ADGRB3: variants seen among roughly 807,000 people sequenced by gnomAD.
ADGRB3 encodes the protein brain-specific angiogenesis inhibitor 3.
Under a neutral mutation model 193.4 loss-of-function variants are expected in ADGRB3, and 37 were observed. The observed-to-expected ratio is 0.19, with a 90% confidence interval of 0.15 to 0.25. The LOEUF (loss-of-function observed/expected upper bound fraction) is 0.25. Ranked by LOEUF, ADGRB3 falls within the 10% of genes least tolerant of loss-of-function variation. The pLI is 1.00. For synonymous variants in ADGRB3, 690 were observed against 644.2 expected (o/e 1.07, Z -1.08); for missense variants, 1,637 against 1,852.9 (o/e 0.88, Z 2.14).
intron 3 of ADGRB3, among the ~76,000 whole-genome samples, chr6:68,652,802 ATAATTATGCTTAATTCCTTTGG>A (rs1490207380): frequency 6.6e-6 from 1 of 152,164 alleles, no homozygotes; most frequent in Non-Finnish European, 1.5e-5. Context: ...TAGAGCAATA[ATAATTATGCTTAATTCCTTTGG>A]TGTTTACACA....
intron 3 of ADGRB3, among the ~76,000 whole-genome samples, chr6:68,807,245 T>TC (rs1047135631): frequency 1.1e-4 from 15 of 141,888 alleles, no homozygotes; most frequent in South Asian, 2.3e-4. Flanking sequence ...CTTTTTTTTT[T>TC]TTTTTTTTTT....
At chr6:69,352,859 T>C (rs2127326583) in intron 26 of ADGRB3, among the ~76,000 whole-genome samples, 1 of 152,320 alleles carries the variant, frequency 6.6e-6, no homozygotes, top group South Asian at 2.1e-4. Context: ...TATCACTGCT[T>C]CTCAAAAGTG....
At chr6:68,820,391 G>A (rs1369722004) in intron 3 of ADGRB3, among the ~76,000 whole-genome samples, 3 of 151,690 alleles carry the variant, frequency 2.0e-5, no homozygotes, top group Non-Finnish European at 4.4e-5. Context: ...ATGTATTTAT[G>A]GGGAATATGC....
At chr6:69,217,151 G>T (rs531178239) in intron 17 of ADGRB3, among the ~76,000 whole-genome samples, 4 of 152,258 alleles carry the variant, frequency 2.6e-5, no homozygotes, top group Admixed American at 1.3e-4. Flanking sequence ...CTGAGTGGGT[G>T]GCGCAGATGT....
chr6:69,179,088 T>G (rs183961928), intron 17 of ADGRB3, among the ~76,000 whole-genome samples: 1 of 152,208 alleles, frequency 6.6e-6, no homozygotes, highest in South Asian at 2.1e-4. Flanking sequence ...TGCCAGTAAT[T>G]TGTATGTTTG....
chr6:69,225,055 T>TA (rs1561958421), intron 17 of ADGRB3, among the ~76,000 whole-genome samples: 2 of 152,290 alleles, frequency 1.3e-5, no homozygotes, highest in South Asian at 2.1e-4. Flanking sequence ...ATCTGCATTG[T>TA]AACCTGTTGG....
At chr6:69,289,821 C>T (rs955111833) in intron 20 of ADGRB3, among the ~76,000 whole-genome samples, 1 of 151,764 alleles carries the variant, frequency 6.6e-6, no homozygotes, top group Admixed American at 6.6e-5. Flanking sequence ...GACTAAGGTG[C>T]TGCACTCTGC....
chr6:69,147,877 C>G lies in ADGRB3; in HGVS notation c.2480+71839C>G, dbSNP rs572995770. ...GATGTATCTTCCTATTGAGTTGTAC[C>G]CTTTATTATTATATAATGACCTTCT... On this transcript the variant is annotated intron_variant, in intron 17 of 31. Coordinates refer to ENST00000370598, the MANE Select transcript of ADGRB3 (RefSeq NM_001704.3). Among the ~76,000 whole-genome samples the G allele has an allele frequency of 2.0e-4, 30 of 152,060 alleles. 1 individual carries two copies. The highest frequency in any genetic ancestry group is 1.9e-3 in the Admixed American group (29 of 15,274).
chr6:69,319,158 A>G (rs944922715), intron 20 of ADGRB3, among the ~76,000 whole-genome samples: 4 of 151,208 alleles, frequency 2.6e-5, no homozygotes, highest in African/African-American at 9.7e-5. Context: ...TATCATAGCA[A>G]AATTTCACAA....
At chr6:69,093,336 G>A (rs1212904883) in intron 17 of ADGRB3, among the ~76,000 whole-genome samples, 1 of 151,762 alleles carries the variant, frequency 6.6e-6, no homozygotes, top group Non-Finnish European at 1.5e-5. Flanking sequence ...AGTGGTAGAT[G>A]GGTGTGTTTT....
intron 12 of ADGRB3, among the ~76,000 whole-genome samples, chr6:69,016,473 A>G (rs1770096284): frequency 1.3e-5 from 2 of 151,960 alleles, no homozygotes; most frequent in Admixed American, 1.3e-4. Context: ...TTTGTCACGC[A>G]TAATTCATCC....
chr6:69,361,454 A>C lies in ADGRB3; in HGVS notation c.4181A>C (p.Asp1394Ala), dbSNP rs1450843740. ...VKNFMASELD[D>A]NAGLSRSETG... ...AATTTCATGGCCTCTGAGTTGGATG[A>C]TAATGCAGGACTATCAAGAAGTGAA... Residue 1394 changes from aspartate (D) to alanine (A), a missense_variant, in exon 29 of 32, where the codon GAT becomes GCT. Coordinates refer to ENST00000370598, the MANE Select transcript of ADGRB3 (RefSeq NM_001704.3). 1.2e-6 allele frequency: 2 copies of C among 1,612,706 alleles called. No homozygotes were observed. The highest frequency in any genetic ancestry group is 1.7e-6 in the Non-Finnish European group (2 of 1,179,118).
chr6:68,795,980 T>G (rs1767199307), intron 3 of ADGRB3, among the ~76,000 whole-genome samples: 1 of 152,090 alleles, frequency 6.6e-6, no homozygotes, highest in Admixed American at 6.6e-5. Flanking sequence ...GGTTCCAGCT[T>G]TGTGAATCTT....
intron 24 of ADGRB3, 82 bp from the exon 25 acceptor site, chr6:69,338,834 A>T: frequency 8.5e-7 from 1 of 1,171,414 alleles, no homozygotes; most frequent in Non-Finnish European, 1.3e-6. Context: ...AATCGTATTT[A>T]AAAGCTAACT....
chr6:69,005,189 CT>C (rs1307756582), intron 11 of ADGRB3, among the ~76,000 whole-genome samples: 5 of 151,682 alleles, frequency 3.3e-5, no homozygotes, highest in Non-Finnish European at 7.4e-5. Context: ...CTATTTTTAC[CT>C]TTCATTTTTA....
intron 20 of ADGRB3, among the ~76,000 whole-genome samples, chr6:69,279,076 T>C (rs1767364900): frequency 6.7e-5 from 1 of 14,900 alleles, no homozygotes; most frequent in Admixed American, 6.4e-4. Flanking sequence ...CATATGTATA[T>C]ATATATATAT....
chr6:69,110,330 T>C (rs1189318806), intron 17 of ADGRB3, among the ~76,000 whole-genome samples: 1 of 152,184 alleles, frequency 6.6e-6, no homozygotes, highest in African/African-American at 2.4e-5. Context: ...AAATATTCCA[T>C]GTGCTGAGTT....
intron 3 of ADGRB3, among the ~76,000 whole-genome samples, chr6:68,806,323 T>C (rs748942660): frequency 6.6e-6 from 1 of 152,212 alleles, no homozygotes; most frequent in Non-Finnish European, 1.5e-5. Flanking sequence ...TTTTGTATTC[T>C]GTGTATTCAC....
At chr6:69,181,622 A>G (rs1356003827) in intron 17 of ADGRB3, among the ~76,000 whole-genome samples, 2 of 152,322 alleles carry the variant, frequency 1.3e-5, no homozygotes, top group Non-Finnish European at 2.9e-5. Context: ...TCAAATAAAC[A>G]TAAATGTAAA....
Sources: gnomAD v4.1 joint callset for allele counts (sites outside exome capture counted in the v4.1 genomes callset) on GRCh38, gnomAD v4.1.1 for gene constraint, MANE v1.5 for transcripts, NCBI Gene and HGNC (gene_info 2026-07-23, HGNC 2026-07-21) for gene names.